Variants in FAF1 observed in about 807,000 individuals in gnomAD.
FAF1 encodes the protein FAS-associated factor 1.
FAF1 carries 25 observed loss-of-function variants against 92.5 expected under a neutral mutation model. The observed-to-expected ratio is 0.27, with a 90% CI of 0.20 to 0.38. FAF1 has a LOEUF of 0.38. FAF1 is among the 10% of genes least tolerant of loss of function. The probability of loss-of-function intolerance (pLI) is 1.00; values close to 1 mark genes in which losing one functional copy is unlikely to be tolerated. For synonymous variants in FAF1, 234 were observed against 273.2 expected (o/e 0.86, Z 1.42); for missense variants, 636 against 793.3 (o/e 0.80, Z 2.38).
chr1:50,704,695 G>A (rs916146334), intron 7 of FAF1, among the ~76,000 whole-genome samples: 7 of 151,666 alleles, frequency 4.6e-5, no homozygotes, highest in African/African-American at 1.5e-4. Context: ...ATTAAATAAC[G>A]CAAACCTACA....
intron 2 of FAF1, among the ~76,000 whole-genome samples, chr1:50,830,075 C>A (rs1320450462): frequency 1.3e-5 from 2 of 152,126 alleles, no homozygotes; most frequent in Non-Finnish European, 2.9e-5. Flanking sequence ...CTCTTCATGA[C>A]CCCCAAGGTA....
At chr1:50,609,292 C>T (rs1440663401) in intron 8 of FAF1, among the ~76,000 whole-genome samples, 2 of 152,140 alleles carry the variant, frequency 1.3e-5, no homozygotes. Flanking sequence ...CTTGCCACAC[C>T]GCCATTTCAC....
chr1:50,959,690 C>A, intron 1 of FAF1, 77 bp downstream of exon 1: 2 of 1,319,542 alleles, frequency 1.5e-6, no homozygotes, highest in South Asian at 2.4e-5. Context: ...CGTTCAAACG[C>A]TGGGAAGAAG....
At chr1:50,687,127 C>A (rs1333209739) in intron 7 of FAF1, among the ~76,000 whole-genome samples, 1 of 152,254 alleles carries the variant, frequency 6.6e-6, no homozygotes, top group Non-Finnish European at 1.5e-5. Context: ...TGGTGCCCGA[C>A]CTGAAACTTG....
chr1:50,593,436 T>C (rs1184051068), intron 9 of FAF1, among the ~76,000 whole-genome samples: 1 of 152,238 alleles, frequency 6.6e-6, no homozygotes, highest in Non-Finnish European at 1.5e-5. Context: ...CACCTTTTAA[T>C]GTTAGTGGAT....
chr1:50,710,705 C>A (rs770005478), intron 6 of FAF1, among the ~76,000 whole-genome samples: 5 of 151,044 alleles, frequency 3.3e-5, no homozygotes, highest in African/African-American at 1.2e-4. Context: ...CGGGTTCAAG[C>A]GATTCTCCTG....
intron 1 of FAF1, among the ~76,000 whole-genome samples, chr1:50,920,473 G>C (rs1156278212): frequency 6.6e-6 from 1 of 152,086 alleles, no homozygotes; most frequent in African/African-American, 2.4e-5. Context: ...ATGCACCCAA[G>C]ATTCCTCTAA....
chr1:50,491,766 C>T lies in FAF1; in HGVS notation c.1530G>A (p.Glu510=), dbSNP rs1405343731. The T allele has an allele frequency of 2.5e-6, 4 of 1,613,052 alleles. No homozygotes were observed. In the South Asian group the frequency reaches 3.3e-5, roughly 13 times the overall value. The change falls in exon 16 of 19, where the codon GAG becomes GAA. Residue 510 remains glutamate, a synonymous_variant. Transcript: ENST00000396153. ...GTGAAAGGCGATAGGCCTCATCTTG[C>T]TCTCTCTTCACATTTTCTCTGGCTT... ...EREARENVKR[E]QDEAYRLSLE...
At chr1:50,820,345 T>C (rs1231585966) in intron 2 of FAF1, among the ~76,000 whole-genome samples, 1 of 152,154 alleles carries the variant, frequency 6.6e-6, no homozygotes, top group Non-Finnish European at 1.5e-5. Flanking sequence ...CTTAATGGGG[T>C]ATAACTGACA....
chr1:50,642,754 C>T (rs1236158791), intron 8 of FAF1, among the ~76,000 whole-genome samples: 1 of 152,096 alleles, frequency 6.6e-6, no homozygotes, highest in African/African-American at 2.4e-5. Flanking sequence ...TTCATACTTA[C>T]TGTAATTATC....
chr1:50,737,683 C>T (rs1278843757), intron 6 of FAF1, among the ~76,000 whole-genome samples: 1 of 152,170 alleles, frequency 6.6e-6, no homozygotes, highest in Non-Finnish European at 1.5e-5. Context: ...CAACTATTAA[C>T]AGACCATCCA....
At chr1:50,662,350 T>C (rs1295175681) in intron 7 of FAF1, among the ~76,000 whole-genome samples, 1 of 152,228 alleles carries the variant, frequency 6.6e-6, no homozygotes, top group Non-Finnish European at 1.5e-5. Flanking sequence ...TGTAACTTAG[T>C]TTTGCTTTGT....
At chr1:50,719,855 G>A (rs1658334189) in intron 6 of FAF1, among the ~76,000 whole-genome samples, 1 of 152,114 alleles carries the variant, frequency 6.6e-6, no homozygotes, top group Non-Finnish European at 1.5e-5. Flanking sequence ...CTATCAATAG[G>A]CAATAAACTG....
chr1:50,772,175 AAAATAAAT>A (rs768672621), intron 4 of FAF1, among the ~76,000 whole-genome samples: 1 of 152,260 alleles, frequency 6.6e-6, no homozygotes, highest in South Asian at 2.1e-4. Context: ...AATATTCTGA[AAAATAAAT>A]AAATAAATAA....
At chr1:50,616,413 T>C (rs1652915353) in intron 8 of FAF1, among the ~76,000 whole-genome samples, 1 of 152,220 alleles carries the variant, frequency 6.6e-6, no homozygotes, top group Non-Finnish European at 1.5e-5. Flanking sequence ...ACAGAATCTG[T>C]ATGTTGCCTT....
intron 1 of FAF1, among the ~76,000 whole-genome samples, chr1:50,913,721 T>C (rs897464520): frequency 3.5e-4 from 54 of 152,186 alleles, no homozygotes; most frequent in African/African-American, 1.3e-3. Context: ...TGTCTATTAC[T>C]TTCCAAAAGA....
chr1:50,772,081 G>A (rs1225380560), intron 4 of FAF1, among the ~76,000 whole-genome samples: 1 of 152,074 alleles, frequency 6.6e-6, no homozygotes, highest in Non-Finnish European at 1.5e-5. Flanking sequence ...AATTGTAGAT[G>A]TTGCTCAACT....
intron 1 of FAF1, among the ~76,000 whole-genome samples, chr1:50,959,256 A>T (rs1431605322): frequency 6.6e-6 from 1 of 152,182 alleles, no homozygotes; most frequent in African/African-American, 2.4e-5. Context: ...CAAAGTCTCA[A>T]ATGTTTACTC....
chr1:50,650,040 T>A (rs1045510471), intron 8 of FAF1, among the ~76,000 whole-genome samples: 12 of 151,678 alleles, frequency 7.9e-5, no homozygotes, highest in African/African-American at 2.4e-4. Flanking sequence ...ATCCCAGCAC[T>A]CTGGGAGGCC....
Sources: gnomAD v4.1 joint callset for allele counts (sites outside exome capture counted in the v4.1 genomes callset) on GRCh38, gnomAD v4.1.1 for gene constraint, MANE v1.5 for transcripts, NCBI Gene and HGNC (gene_info 2026-07-23, HGNC 2026-07-21) for gene names.